DACH1: variants seen among roughly 807,000 people sequenced by gnomAD.
DACH1 encodes dachshund homolog 1.
A neutral mutation model predicts 54.2 loss-of-function variants in DACH1; 12 were observed. The observed-to-expected ratio is 0.22, with a 90% CI of 0.14 to 0.36. The LOEUF (loss-of-function observed/expected upper bound fraction) is 0.36, where lower values mean the gene tolerates loss of function less well. Among genes scored for constraint, DACH1 ranks in the 10% least tolerant of loss-of-function variants. The probability of loss-of-function intolerance (pLI) is 1.00; values close to 1 mark genes in which losing one functional copy is unlikely to be tolerated. For synonymous variants in DACH1, 386 were observed against 366.2 expected, an observed-to-expected ratio of 1.05 and a Z score of -0.62; for missense variants, 805 against 929.8, an observed-to-expected ratio of 0.87 and a Z score of 1.75.
chr13:71,550,143 T>A (rs1883714913), intron 6 of DACH1, among the ~76,000 whole-genome samples: 1 of 152,174 alleles, frequency 6.6e-6, no homozygotes, highest in South Asian at 2.1e-4. Flanking sequence ...ATAGATAATA[T>A]TCTAATTCAG....
chr13:71,518,234 T>C (rs897555619), intron 6 of DACH1, among the ~76,000 whole-genome samples: 3 of 151,810 alleles, frequency 2.0e-5, no homozygotes, highest in African/African-American at 7.3e-5. Context: ...TTAGGACTGA[T>C]ATCCTTACAA....
chr13:71,479,137 A>T, intron 8 of DACH1, 32 bp downstream of exon 8: 3 of 1,567,596 alleles, frequency 1.9e-6, no homozygotes. Context: ...ATTTTCTGTA[A>T]ATATTTAACT....
chr13:71,638,793 T>C (rs1341556596), intron 2 of DACH1, among the ~76,000 whole-genome samples: 1 of 152,168 alleles, frequency 6.6e-6, no homozygotes. Flanking sequence ...ACTTATTCAT[T>C]TAAACCTTTC....
Position 71,848,204 on chromosome 13 carries a change from T to C in DACH1, c.848+17718A>G, listed in dbSNP as rs180867909. Among the ~76,000 whole-genome samples, 29 of 123,618 alleles carry C rather than the reference T, an allele frequency of 2.3e-4. No homozygotes were observed. In the East Asian group the frequency reaches 8.4e-3, roughly 36 times the overall value. The allele number at this position is 123,618 out of a possible 152,430, so 81.1% of individuals were successfully genotyped here. On this transcript the variant is annotated intron_variant, in intron 1 of 10. Transcript: ENST00000613252. ...CAGTTACCATAGATACTGAAGCCATTATCCCCCCCCAAAAAAATGGTATTT... is the reference window on the plus strand; with the variant it reads ...CAGTTACCATAGATACTGAAGCCATCATCCCCCCCCAAAAAAATGGTATTT...
At chr13:71,810,196 T>C (rs1887657063) in intron 1 of DACH1, among the ~76,000 whole-genome samples, 1 of 152,152 alleles carries the variant, frequency 6.6e-6, no homozygotes, top group African/African-American at 2.4e-5. Context: ...TCAGTTTTTA[T>C]CTAGTTCACA....
At chr13:71,751,123 C>T (rs748460525) in intron 1 of DACH1, among the ~76,000 whole-genome samples, 4 of 152,062 alleles carry the variant, frequency 2.6e-5, no homozygotes, top group Non-Finnish European at 5.9e-5. Flanking sequence ...CAAATCTGCC[C>T]CTTTTCCCTG....
intron 1 of DACH1, among the ~76,000 whole-genome samples, chr13:71,830,509 C>A (rs911359437): frequency 6.6e-5 from 10 of 151,862 alleles, no homozygotes; most frequent in African/African-American, 2.4e-4. Context: ...ACAGTGAAAT[C>A]TGTCTACTCA....
intron 1 of DACH1, among the ~76,000 whole-genome samples, chr13:71,764,958 A>C (rs1012797121): frequency 4.6e-5 from 7 of 152,138 alleles, no homozygotes; most frequent in African/African-American, 1.7e-4. Context: ...TCTTTCCTAA[A>C]AGTAGATATT....
Position 71,866,674 on chromosome 13 carries a change from G to A in DACH1, c.96C>T (p.Ser32=). ...CCGGAGACGAAGTCGCCGAAGAGGT[G>A]GAGGTGGTGGTGCCAGAGGAGGAAG... ...TSASSSGTTT[S]TSSATSSPAP... is the part of the protein sequence containing the mutation. Residue 32 remains serine, a synonymous_variant, in exon 1 of 11, where the codon TCC becomes TCT. Coordinates refer to ENST00000613252, the MANE Select transcript of DACH1 (RefSeq NM_080759.6). 1 of 1,455,872 alleles carries A rather than the reference G, an allele frequency of 6.9e-7. No individual in the cohort carries two copies. Among genetic ancestry groups the A allele is most frequent in the South Asian group, 1.6e-5 (1 of 64,056 alleles). 90.2% of individuals were successfully genotyped at this position (1,455,872 alleles called of 1,614,324 possible). A position where few individuals can be genotyped will look rare whatever the true frequency, so the allele number is the denominator to read the frequency against.
At chr13:71,479,724 C>G (rs920248471) in intron 7 of DACH1, among the ~76,000 whole-genome samples, 2 of 152,148 alleles carry the variant, frequency 1.3e-5, no homozygotes, top group Non-Finnish European at 2.9e-5. Context: ...AGGATTCTGG[C>G]AGTGCTCACC....
chr13:71,505,753 A>G (rs1880264161), intron 6 of DACH1, among the ~76,000 whole-genome samples: 1 of 152,184 alleles, frequency 6.6e-6, no homozygotes, highest in South Asian at 2.1e-4. Context: ...AAGATTTCAT[A>G]AGAATGAAAA....
intron 3 of DACH1, chr13:71,573,419 A>G (rs1481368839): frequency 1.4e-6 from 1 of 716,620 alleles, no homozygotes. Flanking sequence ...CCATCGTACC[A>G]TTTGGCAGAA....
intron 3 of DACH1, among the ~76,000 whole-genome samples, chr13:71,595,399 G>A (rs1593955743): frequency 6.6e-6 from 1 of 152,114 alleles, no homozygotes; most frequent in Non-Finnish European, 1.5e-5. Flanking sequence ...TTTGACATTT[G>A]TATTTAACTA....
intron 1 of DACH1, among the ~76,000 whole-genome samples, chr13:71,850,873 T>C (rs1324018710): frequency 6.6e-6 from 1 of 152,224 alleles, no homozygotes; most frequent in South Asian, 2.1e-4. Flanking sequence ...TTGTAAAATA[T>C]GTGAATATTT....
intron 2 of DACH1, among the ~76,000 whole-genome samples, chr13:71,669,159 A>T (rs1382952327): frequency 6.6e-6 from 1 of 152,142 alleles, no homozygotes; most frequent in Admixed American, 6.6e-5. Context: ...TGATCACATT[A>T]GCTCAGGGGT....
chr13:71,783,356 T>C (rs1221168660), intron 1 of DACH1, among the ~76,000 whole-genome samples: 1 of 152,144 alleles, frequency 6.6e-6, no homozygotes, highest in Admixed American at 6.6e-5. Flanking sequence ...AAAAGGTACT[T>C]AATATTCCTA....
At chr13:71,748,522 T>C (rs1205853986) in intron 1 of DACH1, among the ~76,000 whole-genome samples, 3 of 152,200 alleles carry the variant, frequency 2.0e-5, no homozygotes, top group Non-Finnish European at 4.4e-5. Context: ...TTGCTTATTT[T>C]CCATCATCCC....
chr13:71,864,892 C>A (rs1056230367), intron 1 of DACH1, among the ~76,000 whole-genome samples: 3 of 152,094 alleles, frequency 2.0e-5, no homozygotes, highest in Non-Finnish European at 4.4e-5. Context: ...CGCTGAGCAT[C>A]CCAGTGCAAA....
At chr13:71,823,725 A>T (rs1023545204) in intron 1 of DACH1, among the ~76,000 whole-genome samples, 2 of 152,006 alleles carry the variant, frequency 1.3e-5, no homozygotes, top group African/African-American at 2.4e-5. Flanking sequence ...GAAAAAAAAC[A>T]AACCAAAATT....
Sources: gnomAD v4.1 joint callset for allele counts (sites outside exome capture counted in the v4.1 genomes callset) on GRCh38, gnomAD v4.1.1 for gene constraint, MANE v1.5 for transcripts, NCBI Gene and HGNC (gene_info 2026-07-23, HGNC 2026-07-21) for gene names.